The following CDC42BPB variants were observed in gnomAD, a reference collection of about 807,000 sequenced individuals.
CDC42BPB encodes the protein serine/threonine-protein kinase MRCK beta.
In CDC42BPB, 37 loss-of-function variants were observed where a neutral mutation model predicts 214.9. That is an observed-to-expected ratio of 0.17 (90% CI 0.13 to 0.23). The LOEUF (loss-of-function observed/expected upper bound fraction) is 0.23. Among genes scored for constraint, CDC42BPB ranks in the 10% least tolerant of loss-of-function variants. CDC42BPB has a pLI of 1.00. For missense variants in CDC42BPB, 1,694 were observed against 2,227.0 expected (o/e 0.76, Z 4.82); for synonymous variants, 931 against 884.0 (o/e 1.05, Z -0.94).
chr14:102,937,877 T>C (rs1891711230), intron 36 of CDC42BPB, among the ~76,000 whole-genome samples: 1 of 152,126 alleles, frequency 6.6e-6, no homozygotes, highest in African/African-American at 2.4e-5. Flanking sequence ...GACAGCCCTG[T>C]CCCTAGTCAG....
intron 1 of CDC42BPB, among the ~76,000 whole-genome samples, chr14:103,020,368 C>T (rs115448635): frequency 3.9e-5 from 6 of 152,314 alleles, no homozygotes; most frequent in African/African-American, 1.2e-4. Flanking sequence ...TCCTTGTAAC[C>T]GCCAGCTACC....
intron 5 of CDC42BPB, among the ~76,000 whole-genome samples, chr14:102,998,268 C>G (rs542929755): frequency 1.3e-5 from 2 of 152,160 alleles, no homozygotes; most frequent in Admixed American, 1.3e-4. Context: ...TAGATGTGAT[C>G]TAAAGCCAAA....
intron 5 of CDC42BPB, among the ~76,000 whole-genome samples, chr14:102,997,377 C>CT (rs1894789113): frequency 6.6e-6 from 1 of 152,228 alleles, no homozygotes; most frequent in Non-Finnish European, 1.5e-5. Context: ...ATATACCCCC[C>CT]TTCCAGCCAC....
At chr14:103,056,440 G>C (rs1390487377) in intron 1 of CDC42BPB, among the ~76,000 whole-genome samples, 1 of 152,192 alleles carries the variant, frequency 6.6e-6, no homozygotes, top group East Asian at 1.9e-4. Context: ...GATGCAAGGG[G>C]GTCCCACGGG....
chr14:103,005,683 T>C, intron 3 of CDC42BPB, among the ~76,000 whole-genome samples: 1 of 151,702 alleles, frequency 6.6e-6, no homozygotes, highest in African/African-American at 2.4e-5. Flanking sequence ...AGTAACAGAG[T>C]GAGACCCTGT....
intron 1 of CDC42BPB, among the ~76,000 whole-genome samples, chr14:103,047,136 T>G (rs957980606): frequency 6.6e-6 from 1 of 150,974 alleles, no homozygotes; most frequent in Admixed American, 6.6e-5. Flanking sequence ...ATACAAAAAT[T>G]AGCTGGGCTT....
intron 17 of CDC42BPB, chr14:102,966,705 C>T (rs1893220432): frequency 4.7e-6 from 1 of 211,756 alleles, no homozygotes; most frequent in Non-Finnish European, 8.2e-6. Context: ...CAACTTCACA[C>T]CTTAGGAGCG....
At chr14:103,042,313 A>ATT (rs879522721) in intron 1 of CDC42BPB, among the ~76,000 whole-genome samples, 5 of 145,246 alleles carry the variant, frequency 3.4e-5, no homozygotes, top group Non-Finnish European at 3.1e-5. Context: ...ACACAACCCA[A>ATT]TTTTTTTTTT....
At chr14:103,002,578 C>T (rs927145631) in intron 4 of CDC42BPB, among the ~76,000 whole-genome samples, 8 of 152,302 alleles carry the variant, frequency 5.3e-5, no homozygotes, top group South Asian at 2.1e-4. Flanking sequence ...GACAGTCCAC[C>T]GGGGTCCTGG....
rs186653739 is a variant in CDC42BPB at position 103,013,756 on chromosome 14, C to T, written c.176-1568G>A. 2.6e-3 allele frequency among the ~76,000 whole-genome samples: 396 copies of T among 152,342 alleles called. 1 individual carries two copies. Among genetic ancestry groups the T allele is most frequent in the Non-Finnish European group, 4.3e-3 (290 of 68,042 alleles). ...GAAGCTGAGCGTTCCCCGGAGCCTG[C>T]GAGGGACATGGCCTGGCTGACGCCC... On this transcript the variant is annotated intron_variant, in intron 1 of 36. Transcript: ENST00000361246.
chr14:103,040,799 C>T (rs1384570846), intron 1 of CDC42BPB, among the ~76,000 whole-genome samples: 1 of 152,178 alleles, frequency 6.6e-6, no homozygotes, highest in Non-Finnish European at 1.5e-5. Flanking sequence ...GGAAAGGCAT[C>T]TTATGATCGT....
intron 36 of CDC42BPB, among the ~76,000 whole-genome samples, chr14:102,937,821 A>G (rs1891708694): frequency 6.6e-6 from 1 of 152,250 alleles, no homozygotes; most frequent in African/African-American, 2.4e-5. Flanking sequence ...GTCCAGAGGA[A>G]AGAGGCAGGT....
intron 1 of CDC42BPB, among the ~76,000 whole-genome samples, chr14:103,030,512 A>G (rs575972915): frequency 1.8e-4 from 27 of 152,254 alleles, no homozygotes; most frequent in Non-Finnish European, 3.7e-4. Context: ...CCTGGCCAAC[A>G]TGGTGAAACC....
intron 8 of CDC42BPB, among the ~76,000 whole-genome samples, chr14:102,980,322 G>A (rs1415489646): frequency 6.6e-6 from 1 of 152,114 alleles, no homozygotes; most frequent in African/African-American, 2.4e-5. Flanking sequence ...GTGAAACCCC[G>A]TCTCTACTAT....
At chr14:103,043,866 TCTTG>T (rs1175065759) in intron 1 of CDC42BPB, among the ~76,000 whole-genome samples, 1 of 152,136 alleles carries the variant, frequency 6.6e-6, no homozygotes, top group Non-Finnish European at 1.5e-5. Flanking sequence ...TAAACACAAA[TCTTG>T]CTTTTTAAAA....
chr14:103,057,047 G>A lies in CDC42BPB; in HGVS notation c.127C>T (p.His43Tyr), dbSNP rs1889025433. ...TACTTGTCGCGGCGCAGGGCCGAGTGGCTGCACTCGGTGTACAGGCAGACG... is the reference window on the plus strand; with the variant it reads ...TACTTGTCGCGGCGCAGGGCCGAGTAGCTGCACTCGGTGTACAGGCAGACG... ...VLVCLYTECS[H>Y]SALRRDKYVA... is the part of the protein sequence containing the mutation. The change falls in exon 1 of 37, where the codon CAC (histidine) becomes TAC (tyrosine). Residue 43 changes from histidine to tyrosine, a missense_variant. Physicochemically the swap from His to Tyr is moderately conservative, Grantham distance 83. Around this residue, in one of 7 missense-constraint regions of CDC42BPB, gnomAD observed 83 missense variants for 79.9 expected, o/e 1.04. Coordinates refer to ENST00000361246, the MANE Select transcript of CDC42BPB (RefSeq NM_006035.4). The A allele has an allele frequency of 1.3e-6, 2 of 1,519,532 alleles. No individual in the cohort carries two copies. The highest frequency in any genetic ancestry group is 1.8e-6 in the Non-Finnish European group (2 of 1,138,866). The allele number at this position is 1,519,532 out of a possible 1,614,324, so 94.1% of individuals were successfully genotyped here. A position where few individuals can be genotyped will look rare whatever the true frequency, so the allele number is the denominator to read the frequency against.
At chr14:103,031,221 T>C (rs1887354507) in intron 1 of CDC42BPB, among the ~76,000 whole-genome samples, 1 of 152,094 alleles carries the variant, frequency 6.6e-6, no homozygotes, top group African/African-American at 2.4e-5. Flanking sequence ...TATCGTCATC[T>C]TTGGCTCACC....
At chr14:103,025,863 A>T (rs1318931239) in intron 1 of CDC42BPB, among the ~76,000 whole-genome samples, 2 of 151,952 alleles carry the variant, frequency 1.3e-5, no homozygotes, top group Non-Finnish European at 2.9e-5. Context: ...AATCACACGG[A>T]TGTATGTGAA....
At chr14:103,027,360 C>A (rs377228593) in intron 1 of CDC42BPB, among the ~76,000 whole-genome samples, 21 of 152,200 alleles carry the variant, frequency 1.4e-4, no homozygotes, top group African/African-American at 4.8e-4. Flanking sequence ...CCAAAACTTG[C>A]ACACTGCATG....
Sources: allele counts gnomAD v4.1 joint callset (sites outside exome capture counted in the v4.1 genomes callset), GRCh38; gene constraint gnomAD v4.1.1; regional missense constraint gnomAD v4.1.1; transcripts MANE v1.5; gene names NCBI Gene and HGNC (gene_info 2026-07-23, HGNC 2026-07-21).